TRPS1: variants seen among roughly 807,000 people sequenced by gnomAD.
The protein encoded by TRPS1 is zinc finger transcription factor Trps1.
In TRPS1, 6 loss-of-function variants were observed where a neutral mutation model predicts 101.2. The ratio of observed to expected loss-of-function variants is 0.06; its 90% CI spans 0.03 to 0.12. The LOEUF is 0.12. Among genes scored for constraint, TRPS1 ranks in the 10% least tolerant of loss-of-function variants. The pLI is 1.00. For missense variants in TRPS1, 1,363 were observed against 1,567.0 expected (o/e 0.87, Z 2.20); for synonymous variants, 578 against 589.8 (o/e 0.98, Z 0.29).
At chr8:115,447,392 ATT>A (rs1339894905) in intron 5 of TRPS1, among the ~76,000 whole-genome samples, 2 of 152,156 alleles carry the variant, frequency 1.3e-5, no homozygotes, top group Non-Finnish European at 2.9e-5. Context: ...ACTTAATTTG[ATT>A]TTTTCTTTAA....
At chr8:115,466,862 A>G (rs923738978) in intron 5 of TRPS1, among the ~76,000 whole-genome samples, 6 of 152,070 alleles carry the variant, frequency 3.9e-5, no homozygotes, top group African/African-American at 1.4e-4. Context: ...CCTTTTTGTA[A>G]TGGTAGTGTG....
intron 4 of TRPS1, among the ~76,000 whole-genome samples, chr8:115,587,827 AAC>A (rs1817601194): frequency 2.1e-5 from 2 of 93,712 alleles, no homozygotes; most frequent in Non-Finnish European, 4.0e-5. Context: ...TAATAGGTAT[AAC>A]ACAGACACAC....
At chr8:115,656,123 A>G (rs1811671548) in intron 1 of TRPS1, among the ~76,000 whole-genome samples, 1 of 152,172 alleles carries the variant, frequency 6.6e-6, no homozygotes, top group African/African-American at 2.4e-5. Context: ...GCAATTTGGT[A>G]TCTTAAATTT....
chr8:115,483,660 A>G (rs1373522370), intron 5 of TRPS1, among the ~76,000 whole-genome samples: 1 of 152,210 alleles, frequency 6.6e-6, no homozygotes, highest in Non-Finnish European at 1.5e-5. Flanking sequence ...AGGAAGTGGC[A>G]AGGTCAATAT....
rs181683715 is a variant in TRPS1 at position 115,571,004 on chromosome 8, G to A, written c.2700+15997C>T. Among the ~76,000 whole-genome samples, 119 of 152,290 alleles carry A rather than the reference G, an allele frequency of 7.8e-4. 1 individual carries two copies. The highest frequency in any genetic ancestry group is 2.7e-3 in the African/African-American group (114 of 41,582). ...GTCCACTGGATCAATCGTCTGGACT[G>A]GGCCTGTAAGCCCAAGTGTAAACTC... is the stretch of plus-strand genomic sequence containing the variant. On this transcript the variant is annotated intron_variant, in intron 5 of 6. Coordinates refer to ENST00000395715, the MANE Select transcript of TRPS1 (RefSeq NM_014112.5).
At chr8:115,550,574 G>T (rs1445365931) in intron 5 of TRPS1, among the ~76,000 whole-genome samples, 1 of 152,192 alleles carries the variant, frequency 6.6e-6, no homozygotes, top group Non-Finnish European at 1.5e-5. Context: ...AATTGGAGTT[G>T]ATCAATCTAG....
chr8:115,587,651 T>C, intron 4 of TRPS1, 47 bp from the exon 5 acceptor site: 1 of 1,612,016 alleles, frequency 6.2e-7, no homozygotes, highest in Non-Finnish European at 8.5e-7. Context: ...TTCTGAAGGG[T>C]TGTTTTATTT....
intron 4 of TRPS1, among the ~76,000 whole-genome samples, chr8:115,588,666 CTG>C (rs1817619610): frequency 6.6e-6 from 1 of 152,168 alleles, no homozygotes; most frequent in African/African-American, 2.4e-5. Flanking sequence ...ACTATAAAAA[CTG>C]TGTATGGCTG....
At chr8:115,423,592 T>C (rs764970100) in intron 5 of TRPS1, among the ~76,000 whole-genome samples, 3 of 152,196 alleles carry the variant, frequency 2.0e-5, no homozygotes, top group African/African-American at 4.8e-5. Context: ...CCAATAAGTA[T>C]AATGACTAAG....
chr8:115,522,431 TGGATTA>T (rs1267905173), intron 5 of TRPS1, among the ~76,000 whole-genome samples: 1 of 152,094 alleles, frequency 6.6e-6, no homozygotes, highest in Admixed American at 6.6e-5. Flanking sequence ...AACTAAGTTA[TGGATTA>T]TGTTCTTCAT....
At chr8:115,585,850 T>C (rs1300185815) in intron 5 of TRPS1, among the ~76,000 whole-genome samples, 2 of 152,152 alleles carry the variant, frequency 1.3e-5, no homozygotes, top group African/African-American at 2.4e-5. Flanking sequence ...TGACTACAGA[T>C]GGGAAAGCTA....
At chr8:115,482,673 CTT>C (rs1814783240) in intron 5 of TRPS1, among the ~76,000 whole-genome samples, 3 of 152,152 alleles carry the variant, frequency 2.0e-5, no homozygotes, top group African/African-American at 7.2e-5. Context: ...CAAGGTAACT[CTT>C]TGATTTCTTT....
chr8:115,435,998 T>A (rs1207351066), intron 5 of TRPS1, among the ~76,000 whole-genome samples: 19 of 134,060 alleles, frequency 1.4e-4, no homozygotes, highest in East Asian at 4.4e-4. Flanking sequence ...AAATGAGAAA[T>A]CACACACACA....
chr8:115,586,930 A>C, intron 5 of TRPS1, 71 bp downstream of exon 5: 3 of 1,600,878 alleles, frequency 1.9e-6, no homozygotes, highest in Non-Finnish European at 2.6e-6. Context: ...ACAATCCTGT[A>C]GAGAAAGAAT....
intron 5 of TRPS1, among the ~76,000 whole-genome samples, chr8:115,478,817 A>ATATATATG (rs1000014077): frequency 6.7e-6 from 1 of 148,162 alleles, no homozygotes; most frequent in Non-Finnish European, 1.5e-5. Flanking sequence ...AAAAAAGTAT[A>ATATATATG]TATATATGTA....
intron 5 of TRPS1, among the ~76,000 whole-genome samples, chr8:115,505,648 AC>A (rs1815423852): frequency 6.6e-6 from 1 of 152,102 alleles, no homozygotes; most frequent in African/African-American, 2.4e-5. Flanking sequence ...TTTACAAATA[AC>A]AAATAACCTA....
At chr8:115,598,030 G>C (rs1817826440) in intron 4 of TRPS1, among the ~76,000 whole-genome samples, 1 of 152,080 alleles carries the variant, frequency 6.6e-6, no homozygotes, top group Non-Finnish European at 1.5e-5. Flanking sequence ...TAAGACTTTT[G>C]ATATCTACAA....
rs111771409 is a variant in TRPS1, at chr8:115,586,927, T to C, written c.2700+74A>G. The C allele has an allele frequency of 2.1e-3, 3,330 of 1,602,248 alleles. 62 individuals are homozygous for C. The African/African-American group carries it at 0.04, about 19-fold the overall frequency. On this transcript the variant is annotated intron_variant, in intron 5 of 6. Transcript: ENST00000395715. ...TTTCACTTCACACACAACACAATCC[T>C]GTAGAGAAAGAATGTGTGTTCCTCC... is the stretch of plus-strand genomic sequence containing the variant.
chr8:115,535,298 TATATATAGC>T (rs1300987930), intron 5 of TRPS1, among the ~76,000 whole-genome samples: 3 of 130,808 alleles, frequency 2.3e-5, no homozygotes, highest in Non-Finnish European at 3.4e-5. Flanking sequence ...ATATATAGCA[TATATATAGC>T]ATATATAGCA....
Sources: allele counts gnomAD v4.1 joint callset (sites outside exome capture counted in the v4.1 genomes callset), GRCh38; gene constraint gnomAD v4.1.1; transcripts MANE v1.5; gene names NCBI Gene and HGNC (gene_info 2026-07-23, HGNC 2026-07-21).